The following ASH1L variants were observed in gnomAD, a reference collection of about 807,000 sequenced individuals.
ASH1L encodes the protein ASH1 like histone lysine methyltransferase.
ASH1L carries 23 observed loss-of-function variants against 269.0 expected under a neutral mutation model. That is an observed-to-expected ratio of 0.09 (90% confidence interval 0.06 to 0.12). The LOEUF (loss-of-function observed/expected upper bound fraction) is 0.12, where lower values mean the gene tolerates loss of function less well. ASH1L is among the 10% of genes least tolerant of loss of function. The probability of loss-of-function intolerance (pLI) is 1.00; values close to 1 mark genes in which losing one functional copy is unlikely to be tolerated. For missense variants in ASH1L, 2,912 were observed against 3,567.8 expected, an observed-to-expected ratio of 0.82 and a Z score of 4.68; for synonymous variants, 1,187 against 1,253.5, an observed-to-expected ratio of 0.95 and a Z score of 1.12.
At chr1:155,385,332 A>G (rs1323289786) in intron 7 of ASH1L, among the ~76,000 whole-genome samples, 1 of 152,070 alleles carries the variant, frequency 6.6e-6, no homozygotes, top group African/African-American at 2.4e-5. Flanking sequence ...AACTCCAGCT[A>G]CTCGGGAGGC....
chr1:155,497,451 C>T (rs1379790148), intron 2 of ASH1L, among the ~76,000 whole-genome samples: 1 of 152,152 alleles, frequency 6.6e-6, no homozygotes, highest in African/African-American at 2.4e-5. Context: ...AAAATGAAGA[C>T]GATAAGGATG....
At chr1:155,510,488 T>C (rs1167423321) in intron 2 of ASH1L, among the ~76,000 whole-genome samples, 3 of 151,462 alleles carry the variant, frequency 2.0e-5, no homozygotes, top group Non-Finnish European at 4.4e-5. Context: ...AGTCTTGTTA[T>C]GGAAAAATCT....
intron 2 of ASH1L, among the ~76,000 whole-genome samples, chr1:155,486,726 A>T (rs1666351786): frequency 6.6e-6 from 1 of 152,206 alleles, no homozygotes; most frequent in African/African-American, 2.4e-5. Flanking sequence ...ATACTTTTAA[A>T]AACAAATATT....
intron 7 of ASH1L, among the ~76,000 whole-genome samples, chr1:155,383,965 T>A (rs562737773): frequency 6.6e-6 from 1 of 152,294 alleles, no homozygotes; most frequent in African/African-American, 2.4e-5. Flanking sequence ...AAAAATGTAA[T>A]ATATCAAAAA....
chr1:155,516,569 G>C (rs1668515606), intron 2 of ASH1L, among the ~76,000 whole-genome samples: 1 of 152,118 alleles, frequency 6.6e-6, no homozygotes, highest in Non-Finnish European at 1.5e-5. Flanking sequence ...CAAGGAAGGA[G>C]AATCATTGAG....
intron 5 of ASH1L, among the ~76,000 whole-genome samples, chr1:155,437,375 C>T (rs1027656573): frequency 6.6e-6 from 1 of 151,948 alleles, no homozygotes; most frequent in African/African-American, 2.4e-5. Flanking sequence ...TAGGGAACAG[C>T]AAATTAAAAC....
intron 2 of ASH1L, among the ~76,000 whole-genome samples, chr1:155,507,897 T>C (rs982946989): frequency 1.3e-5 from 2 of 152,274 alleles, no homozygotes; most frequent in East Asian, 3.9e-4. Context: ...TAAAAAATGT[T>C]ATGTATCCAC....
chr1:155,561,990 C>CG (rs1458494933), intron 1 of ASH1L, 163 bp downstream of exon 1: 2 of 575,826 alleles, frequency 3.5e-6, no homozygotes, highest in African/African-American at 3.8e-5. Context: ...AGGGACTTCC[C>CG]GGTAGGCTCA....
intron 2 of ASH1L, among the ~76,000 whole-genome samples, chr1:155,514,975 T>C (rs1455771937): frequency 6.6e-6 from 1 of 152,126 alleles, no homozygotes; most frequent in Non-Finnish European, 1.5e-5. Context: ...ACCAGATCAG[T>C]GGTTGGACCC....
intron 2 of ASH1L, among the ~76,000 whole-genome samples, chr1:155,492,419 G>C (rs533642904): frequency 6.6e-6 from 1 of 152,012 alleles, no homozygotes; most frequent in Non-Finnish European, 1.5e-5. Flanking sequence ...TTATTTTTCG[G>C]TTTCTTTTCG....
chr1:155,368,261 T>C (rs2148408101), intron 12 of ASH1L, among the ~76,000 whole-genome samples: 1 of 152,226 alleles, frequency 6.6e-6, no homozygotes, highest in Admixed American at 6.5e-5. Context: ...CCTCCCAAAG[T>C]GCTGGGATTG....
chr1:155,562,115 G>C (rs758112300), intron 1 of ASH1L, 38 bp downstream of exon 1: 1 of 1,332,046 alleles, frequency 7.5e-7, no homozygotes, highest in African/African-American at 1.4e-5. Context: ...CTGAGAGAGT[G>C]CTTAGGCCCG....
At chr1:155,384,150 C>T (rs1045308443) in intron 7 of ASH1L, among the ~76,000 whole-genome samples, 9 of 152,136 alleles carry the variant, frequency 5.9e-5, no homozygotes, top group African/African-American at 2.2e-4. Flanking sequence ...TTACTGTATT[C>T]TTCCTTCCTA....
chr1:155,385,575 AT>A (rs1301301424), intron 7 of ASH1L, among the ~76,000 whole-genome samples: 2 of 152,202 alleles, frequency 1.3e-5, no homozygotes, highest in African/African-American at 4.8e-5. Flanking sequence ...CTGCCAGATA[AT>A]TCTAATGTCT....
chr1:155,495,969 G>A (rs1167212673), intron 2 of ASH1L, among the ~76,000 whole-genome samples: 5 of 151,992 alleles, frequency 3.3e-5, no homozygotes, highest in Non-Finnish European at 7.4e-5. Context: ...TTGCACTCCA[G>A]CCTGGGCAAC....
chr1:155,492,267 C>T (rs188933648), intron 2 of ASH1L, among the ~76,000 whole-genome samples: 307 of 150,436 alleles, frequency 2.0e-3, no homozygotes, highest in African/African-American at 7.2e-3. Flanking sequence ...AGGCTGGTCT[C>T]GAACTCCCAA....
In ASH1L at chr1:155,336,243, G is replaced by C. The variant is rs1652301452; in HGVS notation, c.*1417C>G. ...GAGTCAGAGCATCGTCACCATAAGGGGAAATGTACAATTAGGACAGCATTG... is the reference window on the plus strand; with the variant it reads ...GAGTCAGAGCATCGTCACCATAAGGCGAAATGTACAATTAGGACAGCATTG... On this transcript the variant is annotated 3_prime_UTR_variant, in exon 28 of 28. Transcript: ENST00000392403. The C allele has an allele frequency of 6.6e-6, 1 of 152,230 alleles. No individual in the cohort carries two copies. The highest frequency in any genetic ancestry group is 2.4e-5 in the African/African-American group (1 of 41,248). 9.4% of individuals were successfully genotyped at this position (152,230 alleles called of 1,614,324 possible).
In ASH1L at chr1:155,438,715, C is replaced by A; in HGVS notation, c.5440G>T (p.Asp1814Tyr). ...TTTTTCTTTGTGGCCAAGATTTTGT[C>A]GTAATTGCACATTTTCCGAGCTTGG... ...QRQARKMCNY[D>Y]KILATKKNLD... Residue 1814 changes from aspartate to tyrosine, a missense_variant, in exon 5 of 28, where the codon GAC (aspartate) becomes TAC (tyrosine). This residue lies in a region of ASH1L where 789 missense variants were observed against 897.6 expected (regional missense o/e 0.88). Coordinates refer to ENST00000392403, the MANE Select transcript of ASH1L (RefSeq NM_018489.3). 2.5e-6 allele frequency: 4 copies of A among 1,613,898 alleles called. No homozygotes were observed. The highest frequency in any genetic ancestry group is 1.1e-5 in the South Asian group (1 of 91,050).
chr1:155,434,785 A>G (rs1325845478), intron 5 of ASH1L, among the ~76,000 whole-genome samples: 1 of 152,152 alleles, frequency 6.6e-6, no homozygotes, highest in East Asian at 1.9e-4. Flanking sequence ...TGGGAGGCAG[A>G]GGTTGCAGTG....
Sources: gnomAD v4.1 joint callset for allele counts (sites outside exome capture counted in the v4.1 genomes callset) on GRCh38, gnomAD v4.1.1 for gene constraint, gnomAD v4.1.1 regional missense constraint, MANE v1.5 for transcripts, NCBI Gene and HGNC (gene_info 2026-07-23, HGNC 2026-07-21) for gene names.